The following RSRC1 variants were observed in gnomAD, a reference collection of about 807,000 sequenced individuals.
RSRC1 encodes arginine and serine rich coiled-coil 1.
RSRC1 carries 39 observed loss-of-function variants against 49.1 expected under a neutral mutation model. The observed-to-expected ratio is 0.79, with a 90% CI of 0.61 to 1.04. RSRC1 has a LOEUF of 1.04. RSRC1 is among the 50% of genes least tolerant of loss of function. The pLI, the probability that RSRC1 is intolerant of heterozygous loss-of-function variation, is 0.00. For missense variants in RSRC1, 388 were observed against 402.4 expected, an observed-to-expected ratio of 0.96 and a Z score of 0.31; for synonymous variants, 143 against 130.8, an observed-to-expected ratio of 1.09 and a Z score of -0.63.
At chr3:158,261,670 G>A (rs1197947009) in intron 4 of RSRC1, among the ~76,000 whole-genome samples, 2 of 152,150 alleles carry the variant, frequency 1.3e-5, no homozygotes, top group Non-Finnish European at 2.9e-5. Context: ...TGTCAGATCA[G>A]CAGCAGTATT....
At chr3:158,488,048 G>A (rs73172145) in intron 7 of RSRC1, among the ~76,000 whole-genome samples, 26,211 of 149,224 alleles carry the variant, frequency 0.18, 2,398 homozygotes, top group African/African-American at 0.24. Context: ...AAGAAAGACT[G>A]CCACACAAAT....
intron 7 of RSRC1, among the ~76,000 whole-genome samples, chr3:158,492,303 C>A (rs994388479): frequency 1.3e-5 from 2 of 152,212 alleles, no homozygotes; most frequent in Non-Finnish European, 2.9e-5. Context: ...CAGAGCCAAA[C>A]CATATCACTC....
chr3:158,201,521 C>T (rs1721044598), intron 3 of RSRC1, among the ~76,000 whole-genome samples: 1 of 152,012 alleles, frequency 6.6e-6, no homozygotes, highest in Admixed American at 6.6e-5. Context: ...CACACAGATC[C>T]CTGAGGGGCT....
At chr3:158,130,482 G>C (rs76334135) in intron 3 of RSRC1, among the ~76,000 whole-genome samples, 2 of 151,996 alleles carry the variant, frequency 1.3e-5, no homozygotes, top group Non-Finnish European at 2.9e-5. Flanking sequence ...AAAGTGTTTT[G>C]GATTTTGGAT....
intron 7 of RSRC1, chr3:158,469,482 A>C (rs1738032262): frequency 6.1e-6 from 2 of 329,826 alleles, no homozygotes; most frequent in Non-Finnish European, 1.2e-5. Flanking sequence ...ACTATACTTC[A>C]CCATAGTCTT....
intron 6 of RSRC1, among the ~76,000 whole-genome samples, chr3:158,452,311 T>C (rs1737089062): frequency 6.6e-6 from 1 of 152,316 alleles, no homozygotes; most frequent in South Asian, 2.1e-4. Context: ...AAAATATTCA[T>C]ACTTAGAAAT....
At chr3:158,397,022 A>G (rs1467090978) in intron 6 of RSRC1, among the ~76,000 whole-genome samples, 2 of 152,132 alleles carry the variant, frequency 1.3e-5, no homozygotes, top group East Asian at 3.9e-4. Flanking sequence ...TATTTTACCC[A>G]CAACAGTGTA....
At chr3:158,151,155 T>G (rs1029170505) in intron 3 of RSRC1, among the ~76,000 whole-genome samples, 6 of 152,238 alleles carry the variant, frequency 3.9e-5, no homozygotes, top group African/African-American at 1.2e-4. Flanking sequence ...CATACAGATT[T>G]ATTTACTATA....
chr3:158,457,699 G>GT (rs968444991), intron 6 of RSRC1, among the ~76,000 whole-genome samples: 1 of 149,168 alleles, frequency 6.7e-6, no homozygotes, highest in Non-Finnish European at 1.5e-5. Context: ...TTGGTTCACT[G>GT]TTTTTTTGTT....
At chr3:158,247,260 C>T (rs1261278206) in intron 4 of RSRC1, among the ~76,000 whole-genome samples, 1 of 152,054 alleles carries the variant, frequency 6.6e-6, no homozygotes, top group Non-Finnish European at 1.5e-5. Context: ...TGGCTGTCAG[C>T]TCCTGTATTG....
rs765032522 is a variant in RSRC1 at position 158,354,835 on chromosome 3, T to G, written c.532-22T>G. On this transcript the variant is annotated intron_variant, in intron 5 of 9. Transcript: ENST00000611884. ...CCTGTAAAAGTCTTGTATGGTTGAA[T>G]TTTTTTTTTTTTCTTTTTTAGCCAC... is the stretch of plus-strand genomic sequence containing the variant. The G allele has an allele frequency of 6.0e-6, 4 of 667,382 alleles. No homozygotes were observed. The African/African-American group carries it at 6.6e-5, about 11-fold the overall frequency. 41.3% of individuals were successfully genotyped at this position (667,382 alleles called of 1,614,324 possible).
At chr3:158,322,890 G>T (rs951157683) in intron 5 of RSRC1, among the ~76,000 whole-genome samples, 1 of 152,006 alleles carries the variant, frequency 6.6e-6, no homozygotes, top group Non-Finnish European at 1.5e-5. Context: ...TCTCAGATCT[G>T]TTAATGAGCT....
chr3:158,209,004 A>G (rs963484427), intron 4 of RSRC1, among the ~76,000 whole-genome samples: 1 of 152,202 alleles, frequency 6.6e-6, no homozygotes, highest in African/African-American at 2.4e-5. Context: ...TTGTGAACAA[A>G]TATGTAAGTA....
rs57284220 is a variant in RSRC1, at chr3:158,123,400, C to T, written c.195-466C>T. On this transcript the variant is annotated intron_variant, in intron 2 of 9. Coordinates refer to ENST00000611884, the MANE Select transcript of RSRC1 (RefSeq NM_001271838.2). Reference sequence around the variant, plus strand: ...ATATCTTTTGGACTCAAGGGATCCTCCCACCTCAGCTTCCTGAATAGCTAG... The same window carrying T: ...ATATCTTTTGGACTCAAGGGATCCTTCCACCTCAGCTTCCTGAATAGCTAG... Among the ~76,000 whole-genome samples, 20 of 152,294 alleles carry T rather than the reference C, an allele frequency of 1.3e-4. No homozygotes were observed. In the East Asian group the frequency reaches 3.9e-3, roughly 29 times the overall value.
intron 3 of RSRC1, among the ~76,000 whole-genome samples, chr3:158,180,456 G>A (rs1481558324): frequency 1.0e-5 from 1 of 99,480 alleles, no homozygotes; most frequent in South Asian, 3.5e-4. Context: ...GTGTTTATGT[G>A]TCTGTGTGTG....
chr3:158,424,092 A>G (rs1435691454), intron 6 of RSRC1, among the ~76,000 whole-genome samples: 1 of 152,052 alleles, frequency 6.6e-6, no homozygotes, highest in African/African-American at 2.4e-5. Context: ...TGCCCTGGCC[A>G]GAACTTCCAA....
At chr3:158,322,798 A>G (rs968497120) in intron 5 of RSRC1, among the ~76,000 whole-genome samples, 6 of 151,386 alleles carry the variant, frequency 4.0e-5, no homozygotes, top group South Asian at 4.2e-4. Context: ...TTTTCCTTCA[A>G]TGTTTTTTTT....
Position 158,174,590 on chromosome 3 carries a change from G to A in RSRC1, c.321-28482G>A, listed in dbSNP as rs1023149335. Among the ~76,000 whole-genome samples the A allele has an allele frequency of 4.0e-5, 6 of 151,828 alleles. 1 individual carries two copies. Among genetic ancestry groups the A allele is most frequent in the African/African-American group, 1.4e-4 (6 of 41,396 alleles). On this transcript the variant is annotated intron_variant, in intron 3 of 9. Transcript: ENST00000611884. ...TCTAAATCCATTTAGAAGTTTTGGC[G>A]TTTTTGAACTTTACATAAATGCACT...
At chr3:158,122,754 A>C (rs761332915) in intron 2 of RSRC1, among the ~76,000 whole-genome samples, 72 of 142,270 alleles carry the variant, frequency 5.1e-4, no homozygotes, top group Non-Finnish European at 8.4e-4. Flanking sequence ...GACAGGCCCC[A>C]GTGTGTGATG....
Sources: allele counts gnomAD v4.1 joint callset (sites outside exome capture counted in the v4.1 genomes callset), GRCh38; gene constraint gnomAD v4.1.1; transcripts MANE v1.5; gene names NCBI Gene and HGNC (gene_info 2026-07-23, HGNC 2026-07-21).